Variants in IFT74 observed in about 807,000 individuals in gnomAD.
IFT74 encodes intraflagellar transport protein 74 homolog.
IFT74 carries 92 observed loss-of-function variants against 96.7 expected under a neutral mutation model. That is an observed-to-expected ratio of 0.95 (90% CI 0.80 to 1.13). The LOEUF is 1.13. IFT74 is among the 50% of genes most tolerant of loss of function. The pLI, the probability that IFT74 is intolerant of heterozygous loss-of-function variation, is 0.00. For synonymous variants in IFT74, 223 were observed against 213.2 expected (o/e 1.05, Z -0.40); for missense variants, 811 against 698.2 (o/e 1.16, Z -1.82).
chr9:26,957,999 C>G (rs570397645), intron 1 of IFT74, among the ~76,000 whole-genome samples: 2 of 152,088 alleles, frequency 1.3e-5, no homozygotes, highest in Non-Finnish European at 2.9e-5. Context: ...GTGATCCACC[C>G]GCCTCGGCCT....
At chr9:27,041,825 C>T (rs985965928) in intron 13 of IFT74, among the ~76,000 whole-genome samples, 3 of 152,150 alleles carry the variant, frequency 2.0e-5, no homozygotes, top group Admixed American at 1.3e-4. Flanking sequence ...TAGAGAAGTT[C>T]ACTAATGCTC....
At chr9:27,031,167 T>C (rs970006686) in intron 13 of IFT74, among the ~76,000 whole-genome samples, 2 of 152,178 alleles carry the variant, frequency 1.3e-5, no homozygotes, top group Admixed American at 6.5e-5. Flanking sequence ...AGCTTGTTTT[T>C]GTTAAGGAAT....
chr9:26,957,378 T>C (rs1223152551), intron 1 of IFT74, among the ~76,000 whole-genome samples: 1 of 152,244 alleles, frequency 6.6e-6, no homozygotes, highest in African/African-American at 2.4e-5. Context: ...CGTTTTCTTC[T>C]GGAAAAACCA....
chr9:26,991,478 C>G (rs1282715628), intron 8 of IFT74, among the ~76,000 whole-genome samples: 1 of 152,244 alleles, frequency 6.6e-6, no homozygotes. Flanking sequence ...CCTTGGCCTC[C>G]TCAAGTGTTG....
chr9:27,036,933 G>A, intron 13 of IFT74: 1 of 648,914 alleles, frequency 1.5e-6, no homozygotes, highest in South Asian at 6.8e-5. Flanking sequence ...TGCTTGCAGA[G>A]ACTGGTCGGG....
In IFT74 at chr9:27,062,737, G is replaced by A. The variant is rs777791918; in HGVS notation, c.*1G>A. On this transcript the variant is annotated 3_prime_UTR_variant, in exon 20 of 20. Coordinates refer to ENST00000380062, the MANE Select transcript of IFT74 (RefSeq NM_025103.4). ...TTTACATAGCACCAGCGGAAACTGA[G>A]TTTAAGTCCACTGAAAGTCTCTAAG... 2.0e-6 allele frequency: 3 copies of A among 1,491,218 alleles called. No homozygotes were observed. Among genetic ancestry groups the A allele is most frequent in the Non-Finnish European group, 1.9e-6 (2 of 1,076,770 alleles). The allele number at this position is 1,491,218 out of a possible 1,614,324, so 92.4% of individuals were successfully genotyped here. A position where few individuals can be genotyped will look rare whatever the true frequency, so the allele number is the denominator to read the frequency against.
At chr9:26,997,925 A>G (rs775333943) in intron 8 of IFT74, 4 of 1,613,976 alleles carry the variant, frequency 2.5e-6, no homozygotes, top group East Asian at 2.2e-5. Context: ...CAGTTGTTCT[A>G]TTTTGTTTTG....
At chr9:26,990,245 TA>T (rs764722261) in intron 8 of IFT74, 50 bp downstream of exon 8, 1 of 929,520 alleles carries the variant, frequency 1.1e-6, no homozygotes. Context: ...CTTTATTAGG[TA>T]GTTTAAGTTG....
chr9:26,956,704 C>G (rs183874310), intron 1 of IFT74, among the ~76,000 whole-genome samples, 188 bp downstream of exon 1: 1 of 152,020 alleles, frequency 6.6e-6, no homozygotes, highest in East Asian at 1.9e-4. Flanking sequence ...AGACCTCCTC[C>G]AACAGCCCGA....
chr9:26,953,079 CTATACAGT>C (rs1249009197), upstream of IFT74, among the ~76,000 whole-genome samples: 3 of 152,116 alleles, frequency 2.0e-5, no homozygotes, highest in African/African-American at 7.2e-5. Flanking sequence ...TCACGTTCAT[CTATACAGT>C]TAGGAGTGGT....
At chr9:26,968,669 C>A (rs1826743447) in intron 2 of IFT74, among the ~76,000 whole-genome samples, 1 of 152,136 alleles carries the variant, frequency 6.6e-6, no homozygotes, top group Admixed American at 6.5e-5. Flanking sequence ...GTCATTTGTT[C>A]ATTTCTTCCA....
At chr9:26,949,209 G>A (rs2131450267) in intron 1 of IFT74, among the ~76,000 whole-genome samples, 1 of 152,148 alleles carries the variant, frequency 6.6e-6, no homozygotes, top group Non-Finnish European at 1.5e-5. Context: ...ACTTGGTATA[G>A]TATTCAGTTT....
chr9:26,973,986 G>C (rs1215137794), intron 2 of IFT74, among the ~76,000 whole-genome samples: 1 of 152,142 alleles, frequency 6.6e-6, no homozygotes, highest in Non-Finnish European at 1.5e-5. Context: ...GAAGTGGCCT[G>C]TTCCACATTT....
At chr9:27,036,757 G>A in intron 13 of IFT74, 6 of 1,185,192 alleles carry the variant, frequency 5.1e-6, no homozygotes, top group Non-Finnish European at 6.3e-6. Flanking sequence ...AGCGTAAAGT[G>A]CTGTCTCTCA....
At chr9:26,948,084 C>A (rs1296134268) in intron 1 of IFT74, among the ~76,000 whole-genome samples, 1 of 152,200 alleles carries the variant, frequency 6.6e-6, no homozygotes, top group Non-Finnish European at 1.5e-5. Flanking sequence ...TTTCTGACTT[C>A]TCCCTTCCTA....
rs1225366222 is a variant in IFT74, at chr9:27,063,907, T to C, written c.*1171T>C. Among the ~76,000 whole-genome samples, 1 of 152,134 alleles carries C rather than the reference T, an allele frequency of 6.6e-6. No homozygotes were observed. Among genetic ancestry groups the C allele is most frequent in the Non-Finnish European group, 1.5e-5 (1 of 67,978 alleles). On this transcript the variant is annotated 3_prime_UTR_variant, in exon 20 of 20. Transcript: ENST00000380062. Reference sequence around the variant, plus strand: ...ATCCTGGACATTCATTAAGGTAGCATTCATAAAATGTGTTCCATAAATCCT... The same window carrying C: ...ATCCTGGACATTCATTAAGGTAGCACTCATAAAATGTGTTCCATAAATCCT...
At chr9:27,034,795 G>T (rs1307875167) in intron 13 of IFT74, among the ~76,000 whole-genome samples, 6 of 152,238 alleles carry the variant, frequency 3.9e-5, no homozygotes, top group Admixed American at 3.3e-4. Context: ...CTCCCAAAGT[G>T]TTGGGATTAC....
chr9:26,985,775 T>C (rs976080310), intron 6 of IFT74, among the ~76,000 whole-genome samples: 9 of 152,208 alleles, frequency 5.9e-5, no homozygotes, highest in Admixed American at 5.2e-4. Context: ...ATTGGTCCTA[T>C]CAGTGATCAT....
At chr9:27,010,485 G>GTTTT (rs375246441) in intron 9 of IFT74, among the ~76,000 whole-genome samples, 2 of 128,122 alleles carry the variant, frequency 1.6e-5, no homozygotes, top group South Asian at 2.5e-4. Context: ...CCTTTTTTTT[G>GTTTT]TTTTTTTTTT....
Sources: allele counts gnomAD v4.1 joint callset (sites outside exome capture counted in the v4.1 genomes callset), GRCh38; gene constraint gnomAD v4.1.1; transcripts MANE v1.5; gene names NCBI Gene and HGNC (gene_info 2026-07-23, HGNC 2026-07-21).